Variants in RLIM observed in about 807,000 individuals in gnomAD.
RLIM encodes the protein ring finger protein, LIM domain interacting, also known as E3 ubiquitin-protein ligase RLIM.
RLIM carries 2 observed loss-of-function variants against 34.0 expected under a neutral mutation model. The ratio of observed to expected loss-of-function variants is 0.06; its 90% CI spans 0.02 to 0.19. RLIM has a LOEUF of 0.19. Ranked by LOEUF, RLIM falls within the 10% of genes least tolerant of loss-of-function variation. The pLI is 1.00. For synonymous variants in RLIM, 169 were observed against 164.0 expected (o/e 1.03, Z -0.23); for missense variants, 286 against 479.7 (o/e 0.60, Z 3.77).
chrX:74,594,466 T>C, intron 2 of RLIM, 77 bp from the exon 3 acceptor site: 1 of 618,312 alleles, frequency 1.6e-6, no homozygotes, highest in South Asian at 4.9e-5. Flanking sequence ...CTCACAGTAA[T>C]CTGACACAAG....
chrX:74,613,395 GA>G (rs1193483446), intron 1 of RLIM, among the ~76,000 whole-genome samples: 9 of 104,795 alleles, frequency 8.6e-5, no homozygotes, highest in Non-Finnish European at 1.6e-4. Context: ...GCCCCAAAAT[GA>G]AAAAAAAAAT....
rs1248926448 is a variant in RLIM at position 74,583,842 on chromosome X, T to G, written c.*7598A>C. Among the ~76,000 whole-genome samples, 2 of 111,061 alleles carry G rather than the reference T, an allele frequency of 1.8e-5. No homozygotes were observed. The highest frequency in any genetic ancestry group is 3.8e-5 in the Non-Finnish European group (2 of 52,988). On this transcript the variant is annotated 3_prime_UTR_variant, in exon 4 of 4. Coordinates refer to ENST00000332687, the MANE Select transcript of RLIM (RefSeq NM_016120.4). ...ACGGGCAGATCATGGGATCAGGGGT[T>G]CAAGACCAGCCTGGCCAACATGGTG... is the stretch of plus-strand genomic sequence containing the variant.
intron 1 of RLIM, among the ~76,000 whole-genome samples, chrX:74,607,731 C>T (rs920993606): frequency 1.8e-5 from 2 of 112,092 alleles, no homozygotes; most frequent in African/African-American, 6.5e-5. Flanking sequence ...CAAAAAACCA[C>T]ACACCAAAAA....
At chrX:74,613,475 G>C (rs959305789) in intron 1 of RLIM, among the ~76,000 whole-genome samples, 4 of 110,518 alleles carry the variant, frequency 3.6e-5, no homozygotes, top group African/African-American at 1.3e-4. Context: ...TGGTGAAACT[G>C]TCTAGGGAAG....
chrX:74,607,231 AACT>A (rs1433361866), intron 1 of RLIM, among the ~76,000 whole-genome samples: 1 of 111,860 alleles, frequency 8.9e-6, no homozygotes, highest in Non-Finnish European at 1.9e-5. Flanking sequence ...AACATCAACT[AACT>A]ACTAAATCAT....
chrX:74,604,309 T>A, intron 1 of RLIM, among the ~76,000 whole-genome samples: 1 of 111,279 alleles, frequency 9.0e-6, no homozygotes, highest in Non-Finnish European at 1.9e-5. Context: ...TTTACACTAC[T>A]TCAGTTTTTT....
chrX:74,596,068 T>C (rs756780622), intron 1 of RLIM, 68 bp from the exon 2 acceptor site: 465 of 670,470 alleles, frequency 6.9e-4, no homozygotes, highest in Non-Finnish European at 9.0e-4. Context: ...GTTTTAATTA[T>C]GTGAAAATCC....
Position 74,592,934 on chromosome X carries a change from C to A in RLIM, c.381G>T (p.Arg127=). 1 of 1,211,709 alleles carries A rather than the reference C, an allele frequency of 8.3e-7. No individual in the cohort carries two copies. Among genetic ancestry groups the A allele is most frequent in the Non-Finnish European group, 1.1e-6 (1 of 895,407 alleles). The change falls in exon 4 of 4, where the codon CGG becomes CGT. Residue 127 remains arginine (R), a synonymous_variant. Coordinates refer to ENST00000332687, the MANE Select transcript of RLIM (RefSeq NM_016120.4). ...RGNQSWRAVS[R]TNPNSGDFRF... is the part of the protein sequence containing the mutation. ...TGAAATCACCACTGTTTGGATTAGT[C>A]CGACTCACTGCTCTCCAAGATTGGT...
rs2079591659 is a variant in RLIM, at chrX:74,587,212, T to C, written c.*4228A>G. 1 of 112,217 alleles carries C rather than the reference T, an allele frequency of 8.9e-6. No homozygotes were observed. The highest frequency in any genetic ancestry group is 1.9e-5 in the Non-Finnish European group (1 of 53,249). The allele number at this position is 112,217 out of a possible 1,213,427, so 9.2% of individuals were successfully genotyped here. ...TTCATGTTTTTTCAAAAGCACACAA[T>C]TTACTAGTTAACTCAATGAATTACA... is the stretch of plus-strand genomic sequence containing the variant. On this transcript the variant is annotated 3_prime_UTR_variant, in exon 4 of 4. Transcript: ENST00000332687.
rs1211071221 is a variant in RLIM, at chrX:74,595,930, T to G, written c.48A>C (p.Ala16=). ...GGTCCATCTGACTTCTGCGCTGTGC[T>G]GCAGACTGATCACCACTTCCTTTGT... is the stretch of plus-strand genomic sequence containing the variant. The part of the protein sequence containing the change: ...SNDKGSGDQS[A]AQRRSQMDRL... Residue 16 remains alanine (A), a synonymous_variant, in exon 2 of 4, where the codon GCA becomes GCC. Transcript: ENST00000332687. 2 of 1,198,075 alleles carry G rather than the reference T, an allele frequency of 1.7e-6. No homozygotes were observed. The highest frequency in any genetic ancestry group is 2.2e-6 in the Non-Finnish European group (2 of 889,100).
Position 74,585,884 on chromosome X carries a change from A to C in RLIM, c.*5556T>G, listed in dbSNP as rs1299756284. ...GAAGGTCAGGAAGCCCTGGTATAAC[A>C]ATCACTTTAGTCTTTACAGAACATA... On this transcript the variant is annotated 3_prime_UTR_variant, in exon 4 of 4. Transcript: ENST00000332687. The C allele has an allele frequency of 1.8e-5, 2 of 112,120 alleles. No homozygotes were observed. The highest frequency in any genetic ancestry group is 3.2e-5 in the African/African-American group (1 of 30,812). 9.2% of individuals were successfully genotyped at this position (112,120 alleles called of 1,213,427 possible).
chrX:74,608,720 G>A lies in RLIM; in HGVS notation c.-24+5702C>T, dbSNP rs751938342. Among the ~76,000 whole-genome samples the A allele has an allele frequency of 3.6e-5, 4 of 112,336 alleles. No homozygotes were observed. In the South Asian group the frequency reaches 1.5e-3, roughly 41 times the overall value. On this transcript the variant is annotated intron_variant, in intron 1 of 3. Coordinates refer to ENST00000332687, the MANE Select transcript of RLIM (RefSeq NM_016120.4). ...ATGTTCCTCATGTACGCACCGACTT[G>A]CAGCTCAAACAACTTTTACTAAAAC... is the stretch of plus-strand genomic sequence containing the variant.
chrX:74,608,427 T>TAA (rs763197483), intron 1 of RLIM, among the ~76,000 whole-genome samples: 19 of 77,882 alleles, frequency 2.4e-4, no homozygotes, highest in African/African-American at 5.4e-4. Flanking sequence ...AAAGCATTCC[T>TAA]AAAAAAAAAA....
chrX:74,604,252 G>C (rs1364253893), intron 1 of RLIM, among the ~76,000 whole-genome samples: 2 of 111,515 alleles, frequency 1.8e-5, no homozygotes, highest in African/African-American at 6.5e-5. Context: ...AGATAAAATG[G>C]AATGTAGTTC....
intron 1 of RLIM, among the ~76,000 whole-genome samples, chrX:74,609,487 CAAAAAAAAAAAAAAAAAAA>C (rs752008137): frequency 9.1e-5 from 3 of 32,799 alleles, no homozygotes; most frequent in Non-Finnish European, 1.2e-4. Flanking sequence ...GACTCCGTTT[CAAAAAAAAAAAAAAAAAAA>C]AAAAAAAAAA....
intron 1 of RLIM, among the ~76,000 whole-genome samples, chrX:74,602,325 TA>T (rs1329422276): frequency 9.0e-6 from 1 of 111,415 alleles, no homozygotes; most frequent in Non-Finnish European, 1.9e-5. Flanking sequence ...ACAAGCTCAA[TA>T]AAAAGCCTGT....
chrX:74,610,430 A>AAAACAAAC (rs753804272), intron 1 of RLIM, among the ~76,000 whole-genome samples: 3 of 104,832 alleles, frequency 2.9e-5, no homozygotes, highest in African/African-American at 1.1e-4. Flanking sequence ...TCCTAACCAA[A>AAAACAAAC]AAACAAACAA....
rs1172980533 is a variant in RLIM at position 74,591,914 on chromosome X, G to C, written c.1401C>G (p.Ser467=). ...SSSSSSSSSS[S]SSSSSSSSSP... is the part of the protein sequence containing the mutation. The stretch of plus-strand genomic sequence containing the variant: ...TGGAACTGGAACTTGAACTGGAACT[G>C]GAACTCGAACTGGAACTGGAACTCG... Residue 467 remains serine (S), a synonymous_variant, in exon 4 of 4, where the codon TCC becomes TCG. Transcript: ENST00000332687. 1.1e-5 allele frequency: 13 copies of C among 1,182,815 alleles called. No homozygotes were observed. Among genetic ancestry groups the C allele is most frequent in the Admixed American group, 2.2e-5 (1 of 44,850 alleles).
chrX:74,604,635 G>A (rs923832824), intron 1 of RLIM, among the ~76,000 whole-genome samples: 2 of 111,244 alleles, frequency 1.8e-5, no homozygotes, highest in Admixed American at 1.9e-4. Context: ...ATTCATTCTT[G>A]ACCTTTTAGA....
Sources: gnomAD v4.1 joint callset for allele counts (sites outside exome capture counted in the v4.1 genomes callset) on GRCh38, gnomAD v4.1.1 for gene constraint, MANE v1.5 for transcripts, NCBI Gene and HGNC (gene_info 2026-07-23, HGNC 2026-07-21) for gene names.